PCDHGA8: variants seen among roughly 807,000 people sequenced by gnomAD.
PCDHGA8 encodes the protein protocadherin gamma subfamily A, 8, also known as protocadherin gamma-A8.
Under a neutral mutation model 59.2 loss-of-function variants are expected in PCDHGA8, and 45 were observed. That is an observed-to-expected ratio of 0.76 (90% confidence interval 0.60 to 0.98). The LOEUF (loss-of-function observed/expected upper bound fraction) is 0.98, where lower values mean the gene tolerates loss of function less well. PCDHGA8 is among the 50% of genes least tolerant of loss of function. PCDHGA8 has a pLI of 0.00. For synonymous variants in PCDHGA8, 531 were observed against 519.0 expected (o/e 1.02, Z -0.32); for missense variants, 1,257 against 1,196.2 (o/e 1.05, Z -0.75).
chr5:141,490,978 C>T lies in PCDHGA8; in HGVS notation c.2425-3829C>T. 6.2e-7 allele frequency: 1 copy of T among 1,614,100 alleles called. No individual in the cohort carries two copies. Among genetic ancestry groups the T allele is most frequent in the Non-Finnish European group, 8.5e-7 (1 of 1,180,034 alleles). ...GGAACACTCAGCCCCCCAGCGTCTC[C>T]CTCGCTCTGCTCCTCCTGGCTCCTT... is the stretch of plus-strand genomic sequence containing the variant. On this transcript the variant is annotated intron_variant, in intron 1 of 3. Coordinates refer to ENST00000398604, the MANE Select transcript of PCDHGA8 (RefSeq NM_032088.2). The surrounding 1 kb of genome is among the most constrained non-coding windows in gnomAD (Gnocchi z 5.4).
intron 1 of PCDHGA8, chr5:141,410,760 A>G: frequency 8.5e-7 from 1 of 1,177,482 alleles, no homozygotes; most frequent in Non-Finnish European, 1.2e-6. Flanking sequence ...ATGTTTTTTC[A>G]ATTATAGTTT....
intron 1 of PCDHGA8, among the ~76,000 whole-genome samples, chr5:141,462,459 CTG>C (rs2099040203): frequency 6.6e-6 from 1 of 152,010 alleles, no homozygotes; most frequent in African/African-American, 2.4e-5. Flanking sequence ...TAACTGAAAA[CTG>C]TGTATTCTGC....
At chr5:141,409,681 G>A in intron 1 of PCDHGA8, 1 of 1,613,368 alleles carries the variant, frequency 6.2e-7, no homozygotes, top group South Asian at 1.1e-5. Flanking sequence ...CTATAGTGGC[G>A]AGTGACCTAG....
At chr5:141,427,773 C>T (rs1285483564) in intron 1 of PCDHGA8, 1 of 1,414,460 alleles carries the variant, frequency 7.1e-7, no homozygotes, top group Non-Finnish European at 9.9e-7. Flanking sequence ...CTTGGAGCTG[C>T]GGGCACTGTC....
intron 1 of PCDHGA8, chr5:141,398,947 A>G: frequency 1.2e-6 from 2 of 1,613,968 alleles, no homozygotes; most frequent in Admixed American, 1.7e-5. Context: ...CGAGGGCATC[A>G]ACTCAGAAAT....
At chr5:141,460,909 G>A (rs1473458228) in intron 1 of PCDHGA8, among the ~76,000 whole-genome samples, 4 of 123,246 alleles carry the variant, frequency 3.2e-5, no homozygotes, top group Non-Finnish European at 6.6e-5. Context: ...AATATTCCAT[G>A]GTGTATATAT....
intron 2 of PCDHGA8, among the ~76,000 whole-genome samples, chr5:141,504,960 T>C (rs9324851): frequency 0.59 from 89,328 of 151,916 alleles, 27,885 homozygotes; most frequent in African/African-American, 0.8. Context: ...TTCAATGCAT[T>C]GGACCAGCCT....
At chr5:141,417,555 TAGAGA>T (rs926975589) in intron 1 of PCDHGA8, 38 of 335,630 alleles carry the variant, frequency 1.1e-4, no homozygotes, top group Non-Finnish European at 1.5e-4. Context: ...TTGAAAGAGG[TAGAGA>T]AAAGTCAAGT....
In PCDHGA8 at chr5:141,491,534, G is replaced by A. The variant is rs376996144; in HGVS notation, c.2425-3273G>A. On this transcript the variant is annotated intron_variant, in intron 1 of 3. Coordinates refer to ENST00000398604, the MANE Select transcript of PCDHGA8 (RefSeq NM_032088.2). This position sits in a 1 kb window ranked among gnomAD's most constrained non-coding sequence, Gnocchi z 6.9. The stretch of plus-strand genomic sequence containing the variant: ...CTCAAGTACATGGAGGTGACGCTGC[G>A]GCCCACAGACTCGCAGAGCCACTGC... The A allele has an allele frequency of 6.2e-7, 1 of 1,614,030 alleles. No homozygotes were observed. The highest frequency in any genetic ancestry group is 8.5e-7 in the Non-Finnish European group (1 of 1,180,028).
intron 1 of PCDHGA8, chr5:141,419,210 G>A: frequency 6.2e-7 from 1 of 1,613,926 alleles, no homozygotes; most frequent in Non-Finnish European, 8.5e-7. Flanking sequence ...CAACGCGCCG[G>A]TTTTCGGACA....
Position 141,477,931 on chromosome 5 carries a change from G to T in PCDHGA8, c.2425-16876G>T. 6.2e-7 allele frequency: 1 copy of T among 1,614,138 alleles called. No homozygotes were observed. Among genetic ancestry groups the T allele is most frequent in the Non-Finnish European group, 8.5e-7 (1 of 1,180,040 alleles). ...ACGCGGATGCAGGGCACAATGCCTG[G>T]CTCTCCTACAGTCTCTTGGGATCCC... On this transcript the variant is annotated intron_variant, in intron 1 of 3. Coordinates refer to ENST00000398604, the MANE Select transcript of PCDHGA8 (RefSeq NM_032088.2). This position sits in a 1 kb window ranked among gnomAD's most constrained non-coding sequence, Gnocchi z 4.9.
intron 1 of PCDHGA8, chr5:141,417,635 G>C (rs1195744332): frequency 1.4e-6 from 1 of 724,902 alleles, no homozygotes; most frequent in Non-Finnish European, 2.1e-6. Flanking sequence ...CTGACGCCGG[G>C]GATCCCTCAG....
intron 1 of PCDHGA8, chr5:141,409,190 C>T (rs868189970): frequency 6.2e-7 from 1 of 1,613,986 alleles, no homozygotes; most frequent in Non-Finnish European, 8.5e-7. Context: ...TCTCTCTACC[C>T]AGTGTAAAGT....
chr5:141,394,012 A>C lies in PCDHGA8; in HGVS notation c.1199A>C (p.Asn400Thr), dbSNP rs756847755. ...LPFKLEKSIG[N>T]YYRLVTRKYL... ...TTTAAATTAGAAAAGTCAATAGGTA[A>C]TTATTATAGATTAGTGACAAGGAAA... The change falls in exon 1 of 4, where the codon AAT becomes ACT. Residue 400 changes from asparagine to threonine, a missense_variant. By Grantham distance (65) the Asn-to-Thr change is moderately conservative (BLOSUM62 0). Coordinates refer to ENST00000398604, the MANE Select transcript of PCDHGA8 (RefSeq NM_032088.2). The C allele has an allele frequency of 2.6e-5, 42 of 1,613,288 alleles. No individual in the cohort carries two copies. Among genetic ancestry groups the C allele is most frequent in the Non-Finnish European group, 3.4e-5 (40 of 1,179,552 alleles).
At chr5:141,401,756 A>G (rs560146125) in intron 1 of PCDHGA8, among the ~76,000 whole-genome samples, 2 of 152,332 alleles carry the variant, frequency 1.3e-5, no homozygotes, top group African/African-American at 4.8e-5. Context: ...CTCCCATTAC[A>G]TGGTATAAGT....
intron 1 of PCDHGA8, chr5:141,417,858 C>A (rs561149517): frequency 1.3e-6 from 2 of 1,547,240 alleles, no homozygotes; most frequent in African/African-American, 1.4e-5. Context: ...CCCGAGCGAA[C>A]GATGGGAGGG....
intron 1 of PCDHGA8, among the ~76,000 whole-genome samples, chr5:141,444,872 G>T (rs2098449555): frequency 6.6e-6 from 1 of 152,120 alleles, no homozygotes. Context: ...ACAGGACAAA[G>T]CTTGTAGGAT....
intron 1 of PCDHGA8, among the ~76,000 whole-genome samples, chr5:141,466,351 A>G (rs897901821): frequency 6.6e-6 from 1 of 152,050 alleles, no homozygotes; most frequent in African/African-American, 2.4e-5. Context: ...TTTTGCAGCT[A>G]ATCTAGATGT....
At chr5:141,405,018 T>C (rs1413977666) in intron 1 of PCDHGA8, 5 of 1,613,834 alleles carry the variant, frequency 3.1e-6, no homozygotes, top group African/African-American at 2.7e-5. Context: ...GCCTCAGACC[T>C]TACCCTCTAC....
Sources: allele counts gnomAD v4.1 joint callset (sites outside exome capture counted in the v4.1 genomes callset), GRCh38; gene constraint gnomAD v4.1.1; non-coding constraint Gnocchi (gnomAD v3.1); transcripts MANE v1.5; gene names NCBI Gene and HGNC (gene_info 2026-07-23, HGNC 2026-07-21).